PDGFD: variants seen among roughly 807,000 people sequenced by gnomAD.
PDGFD encodes the protein platelet derived growth factor D.
PDGFD carries 30 observed loss-of-function variants against 44.7 expected under a neutral mutation model. That is an observed-to-expected ratio of 0.67 (90% CI 0.50 to 0.91). The LOEUF (loss-of-function observed/expected upper bound fraction) is 0.91, where lower values mean the gene tolerates loss of function less well. Ranked by LOEUF, PDGFD falls within the 40% of genes least tolerant of loss-of-function variation. PDGFD has a pLI of 0.00. For missense variants in PDGFD, 445 were observed against 457.8 expected, an observed-to-expected ratio of 0.97 and a Z score of 0.25; for synonymous variants, 173 against 168.4, an observed-to-expected ratio of 1.03 and a Z score of -0.21.
intron 6 of PDGFD, among the ~76,000 whole-genome samples, chr11:103,915,165 T>C (rs1166380536): frequency 1.3e-5 from 2 of 152,200 alleles, no homozygotes; most frequent in African/African-American, 2.4e-5. Context: ...TTGTCTCTGT[T>C]TGCAGATGAC....
At chr11:103,958,495 A>T (rs969653013) in intron 3 of PDGFD, among the ~76,000 whole-genome samples, 4 of 152,214 alleles carry the variant, frequency 2.6e-5, no homozygotes, top group Admixed American at 2.6e-4. Context: ...GCTAAAATGA[A>T]TGACTTAGGA....
intron 3 of PDGFD, among the ~76,000 whole-genome samples, chr11:103,977,004 T>C (rs182959390): frequency 6.6e-6 from 1 of 151,930 alleles, no homozygotes; most frequent in Non-Finnish European, 1.5e-5. Flanking sequence ...AAATGATAAA[T>C]GGGATATCAC....
intron 3 of PDGFD, among the ~76,000 whole-genome samples, chr11:103,979,417 C>T (rs1414704001): frequency 6.6e-6 from 1 of 152,062 alleles, no homozygotes; most frequent in Non-Finnish European, 1.5e-5. Flanking sequence ...CTTCTCCCAT[C>T]CTACAAACCC....
intron 3 of PDGFD, among the ~76,000 whole-genome samples, chr11:103,984,238 A>G (rs564983915): frequency 1.3e-5 from 2 of 151,872 alleles, no homozygotes; most frequent in South Asian, 4.1e-4. Context: ...CATAAAAAAG[A>G]ATGACACCAC....
At chr11:104,154,318 G>A (rs1186529973) in intron 1 of PDGFD, among the ~76,000 whole-genome samples, 3 of 152,038 alleles carry the variant, frequency 2.0e-5, no homozygotes, top group African/African-American at 7.2e-5. Flanking sequence ...AACCTAAAAC[G>A]TGTCCTGCGT....
intron 1 of PDGFD, among the ~76,000 whole-genome samples, chr11:104,114,304 T>C (rs1861600842): frequency 1.3e-5 from 2 of 151,230 alleles, no homozygotes; most frequent in African/African-American, 2.4e-5. Context: ...TTCATTTTTT[T>C]TTCTGCATGT....
intron 1 of PDGFD, among the ~76,000 whole-genome samples, chr11:104,079,904 TGAGCA>T (rs1346166434): frequency 2.0e-5 from 3 of 152,210 alleles, no homozygotes; most frequent in Non-Finnish European, 4.4e-5. Context: ...CTTACATTTC[TGAGCA>T]GAGCAATGAA....
At chr11:104,044,820 C>T (rs529368993) in intron 1 of PDGFD, among the ~76,000 whole-genome samples, 1 of 152,134 alleles carries the variant, frequency 6.6e-6, no homozygotes, top group Non-Finnish European at 1.5e-5. Context: ...GAACGGATCA[C>T]GAGGTCAGAA....
chr11:103,926,873 A>C (rs1410122230), intron 6 of PDGFD, 39 bp downstream of exon 6: 8 of 1,570,690 alleles, frequency 5.1e-6, no homozygotes, highest in Non-Finnish European at 7.0e-6. Flanking sequence ...TGAATCCTAT[A>C]GATTAAGCAT....
chr11:103,998,657 T>A (rs998533669), intron 2 of PDGFD, among the ~76,000 whole-genome samples: 1 of 152,114 alleles, frequency 6.6e-6, no homozygotes, highest in African/African-American at 2.4e-5. Context: ...AAGAAGAGGG[T>A]TATGGAACCC....
chr11:104,049,232 C>T (rs1253522454), intron 1 of PDGFD, among the ~76,000 whole-genome samples: 1 of 152,076 alleles, frequency 6.6e-6, no homozygotes, highest in Non-Finnish European at 1.5e-5. Flanking sequence ...ACAACAGGGT[C>T]AGGGAAGGTT....
chr11:104,161,870 G>A (rs994198409), intron 1 of PDGFD, among the ~76,000 whole-genome samples: 11 of 151,886 alleles, frequency 7.2e-5, no homozygotes, highest in Admixed American at 6.6e-4. Flanking sequence ...GTGTAACTAC[G>A]TTTTTCTCCT....
intron 1 of PDGFD, among the ~76,000 whole-genome samples, chr11:104,090,171 C>CATATTATG (rs1861191444): frequency 6.6e-6 from 1 of 151,984 alleles, no homozygotes. Flanking sequence ...TTCTTAGAAT[C>CATATTATG]ATATTATGAC....
chr11:104,033,661 A>G (rs1001529134), intron 1 of PDGFD, among the ~76,000 whole-genome samples: 5 of 152,222 alleles, frequency 3.3e-5, no homozygotes, highest in Admixed American at 6.5e-5. Context: ...ATTAAAAAAA[A>G]CAAAAGCCCC....
At chr11:104,014,990 T>C (rs552265464) in intron 1 of PDGFD, among the ~76,000 whole-genome samples, 14 of 152,324 alleles carry the variant, frequency 9.2e-5, no homozygotes, top group African/African-American at 3.4e-4. Flanking sequence ...CTAAGTATGA[T>C]CCCACTAGGC....
intron 5 of PDGFD, among the ~76,000 whole-genome samples, chr11:103,932,743 A>G (rs559542835): frequency 1.3e-5 from 2 of 152,322 alleles, no homozygotes; most frequent in South Asian, 4.1e-4. Context: ...ACACTCAATA[A>G]TTACTACCTG....
chr11:104,078,098 T>A (rs1049709622), intron 1 of PDGFD, among the ~76,000 whole-genome samples: 1 of 152,176 alleles, frequency 6.6e-6, no homozygotes, highest in Non-Finnish European at 1.5e-5. Flanking sequence ...ACCTTGCCAT[T>A]GTCTCTCAAA....
At chr11:103,988,249 G>A (rs528972000) in intron 3 of PDGFD, among the ~76,000 whole-genome samples, 1 of 151,876 alleles carries the variant, frequency 6.6e-6, no homozygotes, top group Admixed American at 6.6e-5. Context: ...CATATAAAGA[G>A]GCACATTTAT....
chr11:104,146,842 G>A (rs1406678519), intron 1 of PDGFD, among the ~76,000 whole-genome samples: 2 of 151,694 alleles, frequency 1.3e-5, no homozygotes, highest in South Asian at 4.2e-4. Flanking sequence ...GAATAAAAGA[G>A]ACATAAAAAA....
Sources: gnomAD v4.1 joint callset for allele counts (sites outside exome capture counted in the v4.1 genomes callset) on GRCh38, gnomAD v4.1.1 for gene constraint, MANE v1.5 for transcripts, NCBI Gene and HGNC (gene_info 2026-07-23, HGNC 2026-07-21) for gene names.